NFASC: variants seen among roughly 807,000 people sequenced by gnomAD.
NFASC encodes the protein neurofascin homolog.
Under a neutral mutation model 147.5 loss-of-function variants are expected in NFASC, and 43 were observed. That is an observed-to-expected ratio of 0.29 (90% CI 0.23 to 0.38). NFASC has a LOEUF of 0.38. Ranked by LOEUF, NFASC falls within the 10% of genes least tolerant of loss-of-function variation. The probability of loss-of-function intolerance (pLI) is 1.00; values close to 1 mark genes in which losing one functional copy is unlikely to be tolerated. For missense variants in NFASC, 1,320 were observed against 1,689.0 expected (o/e 0.78, Z 3.83); for synonymous variants, 622 against 665.5 (o/e 0.93, Z 1.01).
intron 1 of NFASC, among the ~76,000 whole-genome samples, chr1:204,851,054 A>T (rs2075637085): frequency 6.6e-6 from 1 of 152,244 alleles, no homozygotes; most frequent in Non-Finnish European, 1.5e-5. Context: ...TACTAAAAAA[A>T]AGTGATAATT....
intron 1 of NFASC, among the ~76,000 whole-genome samples, chr1:204,836,230 A>G (rs1021582592): frequency 6.6e-6 from 1 of 152,088 alleles, no homozygotes; most frequent in African/African-American, 2.4e-5. Flanking sequence ...TTCTAGTTTT[A>G]TCTTTATTTG....
At position 204,954,477 on chromosome 1, in the gene NFASC, C is replaced by G. The variant is rs2094323843; in HGVS notation, c.412+93C>G. Reference sequence around the variant, plus strand: ...GCCATTCCAGAAGGGCTGCCCCTGCCCTTGGCCTGCAGTTGCCTTGGTGTT... The same window carrying G: ...GCCATTCCAGAAGGGCTGCCCCTGCGCTTGGCCTGCAGTTGCCTTGGTGTT... On this transcript the variant is annotated intron_variant, in intron 6 of 29. Transcript: ENST00000339876. This position sits in a 1 kb window ranked among gnomAD's most constrained non-coding sequence, Gnocchi z 5.7. The G allele has an allele frequency of 8.2e-7, 1 of 1,226,010 alleles. No individual in the cohort carries two copies. The highest frequency in any genetic ancestry group is 1.5e-5 in the African/African-American group (1 of 66,432). The allele number at this position is 1,226,010 out of a possible 1,614,324, so 75.9% of individuals were successfully genotyped here.
intron 1 of NFASC, among the ~76,000 whole-genome samples, chr1:204,880,915 G>A (rs560019292): frequency 6.6e-6 from 1 of 152,354 alleles, no homozygotes; most frequent in African/African-American, 2.4e-5. Context: ...GAAAGTGGAT[G>A]AGGACACGTC....
chr1:204,877,035 ATTTATATATATATAATATATT>A (rs1558549349), intron 1 of NFASC, among the ~76,000 whole-genome samples: 1 of 97,344 alleles, frequency 1.0e-5, no homozygotes, highest in African/African-American at 6.0e-5. Flanking sequence ...TATAATATAT[ATTTATATATATATAATATATT>A]TATTTATATA....
intron 1 of NFASC, among the ~76,000 whole-genome samples, chr1:204,856,569 A>G (rs1478451503): frequency 6.6e-6 from 1 of 152,210 alleles, no homozygotes; most frequent in African/African-American, 2.4e-5. Context: ...ATTCAGTGAC[A>G]TTTAGCAGAT....
chr1:204,991,292 C>G lies in NFASC; in HGVS notation c.2768C>G (p.Ala923Gly). The change falls in exon 24 of 30, where the codon GCT (alanine) becomes GGT (glycine). Residue 923 changes from alanine (A) to glycine (G), a missense_variant and splice_region_variant. Physicochemically the swap from Ala to Gly is moderately conservative, Grantham distance 60 (BLOSUM62 0). Around this residue, in one of 3 missense-constraint regions of NFASC, gnomAD observed 981 missense variants for 1,289.5 expected, o/e 0.76. Coordinates refer to ENST00000339876, the MANE Select transcript of NFASC (RefSeq NM_001005388.3). ...CCATCTTGGGCGCTGTGTTCTGAAG[C>G]TACTCCAACCGCAGGTACCGTACCA... is the stretch of plus-strand genomic sequence containing the variant. ...TEESPAPPNE[A>G]TPTAAPPTLP... 1 of 1,612,930 alleles carries G rather than the reference C, an allele frequency of 6.2e-7. No homozygotes were observed. Among genetic ancestry groups the G allele is most frequent in the Non-Finnish European group, 8.5e-7 (1 of 1,179,428 alleles).
At chr1:204,999,664 C>T (rs1393712447) in intron 25 of NFASC, 1 of 148,038 alleles carries the variant, frequency 6.8e-6, no homozygotes, top group Non-Finnish European at 1.5e-5. Flanking sequence ...CTTGGTCCCT[C>T]ACTTAATATG....
intron 2 of NFASC, 44 bp from the exon 3 acceptor site, chr1:204,944,182 C>T: frequency 6.6e-7 from 1 of 1,525,598 alleles, no homozygotes. Context: ...GAGCAAACCA[C>T]AAGTTCATGA....
chr1:204,901,446 A>T (rs974821782), intron 1 of NFASC, among the ~76,000 whole-genome samples: 3 of 152,126 alleles, frequency 2.0e-5, no homozygotes, highest in Admixed American at 2.0e-4. Context: ...TTCAAGGAGG[A>T]TGGAGTGCTC....
At chr1:204,850,662 C>T (rs1277116239) in intron 1 of NFASC, among the ~76,000 whole-genome samples, 1 of 152,206 alleles carries the variant, frequency 6.6e-6, no homozygotes, top group African/African-American at 2.4e-5. Flanking sequence ...CCTGCTCCGC[C>T]ATGGTAAGAC....
intron 1 of NFASC, among the ~76,000 whole-genome samples, chr1:204,888,071 C>T (rs1256514256): frequency 2.0e-5 from 3 of 152,206 alleles, no homozygotes; most frequent in African/African-American, 7.2e-5. Context: ...AGTTCATGGC[C>T]GGAGGCTGCA....
intron 1 of NFASC, among the ~76,000 whole-genome samples, chr1:204,837,099 C>T (rs1386543753): frequency 6.6e-6 from 1 of 152,214 alleles, no homozygotes; most frequent in African/African-American, 2.4e-5. Flanking sequence ...AAAGCTAGTT[C>T]TGGCAAAACC....
chr1:204,900,914 C>T (rs577763258), intron 1 of NFASC, among the ~76,000 whole-genome samples: 90 of 152,012 alleles, frequency 5.9e-4, no homozygotes, highest in Non-Finnish European at 1.3e-3. Context: ...TGGCCTCTAG[C>T]GGTCCTCTCC....
intron 1 of NFASC, among the ~76,000 whole-genome samples, chr1:204,910,502 G>A (rs1374963662): frequency 1.6e-5 from 2 of 121,586 alleles, no homozygotes; most frequent in Non-Finnish European, 3.6e-5. Flanking sequence ...GAATGCAGTG[G>A]CACCTTCTTT....
chr1:204,973,223 C>T (rs765369671), intron 11 of NFASC, 53 bp from the exon 12 acceptor site: 443 of 1,604,360 alleles, frequency 2.8e-4, no homozygotes, highest in Non-Finnish European at 3.7e-4. Flanking sequence ...CCCAAGTGCC[C>T]TTCACCCTGC....
intron 1 of NFASC, among the ~76,000 whole-genome samples, chr1:204,831,831 T>C (rs1672297311): frequency 6.6e-6 from 1 of 151,930 alleles, no homozygotes; most frequent in African/African-American, 2.4e-5. Context: ...ACCATAGAGA[T>C]GAAAAGTAAG....
At chr1:204,941,301 A>T (rs1200738657) in intron 2 of NFASC, among the ~76,000 whole-genome samples, 1 of 152,236 alleles carries the variant, frequency 6.6e-6, no homozygotes, top group Non-Finnish European at 1.5e-5. Context: ...GGAAAGAGGG[A>T]GAGAATTGCT....
At chr1:204,940,147 A>G (rs1324242008) in intron 2 of NFASC, among the ~76,000 whole-genome samples, 1 of 152,128 alleles carries the variant, frequency 6.6e-6, no homozygotes, top group African/African-American at 2.4e-5. Context: ...TGAAACATAA[A>G]CCGTTTTAAA....
chr1:205,017,863 C>T lies in NFASC; in HGVS notation c.*1324C>T, dbSNP rs1043330522. The T allele has an allele frequency of 1.3e-5, 2 of 152,738 alleles. No individual in the cohort carries two copies. Among genetic ancestry groups the T allele is most frequent in the African/African-American group, 4.8e-5 (2 of 41,462 alleles). The allele number at this position is 152,738 out of a possible 1,614,324, so 9.5% of individuals were successfully genotyped here. On this transcript the variant is annotated 3_prime_UTR_variant, in exon 30 of 30. Coordinates refer to ENST00000339876, the MANE Select transcript of NFASC (RefSeq NM_001005388.3). ...CCCCACCTAGGGAGGACTCAATGCT[C>T]TTTGTATGCCTTATGCAGCGCTGAT...
Sources: allele counts gnomAD v4.1 joint callset (sites outside exome capture counted in the v4.1 genomes callset), GRCh38; gene constraint gnomAD v4.1.1; regional missense constraint gnomAD v4.1.1; non-coding constraint Gnocchi (gnomAD v3.1); transcripts MANE v1.5; gene names NCBI Gene and HGNC (gene_info 2026-07-23, HGNC 2026-07-21).